Variants in RIC8B observed in about 807,000 individuals in gnomAD.
RIC8B encodes chaperone Ric-8B.
Under a neutral mutation model 57.5 loss-of-function variants are expected in RIC8B, and 16 were observed. That is an observed-to-expected ratio of 0.28 (90% CI 0.19 to 0.42). The LOEUF (loss-of-function observed/expected upper bound fraction) is 0.42. Ranked by LOEUF, RIC8B falls within the 10% of genes least tolerant of loss-of-function variation. The pLI is 1.00. For synonymous variants in RIC8B, 216 were observed against 250.8 expected (o/e 0.86, Z 1.31); for missense variants, 481 against 677.0 (o/e 0.71, Z 3.21).
At chr12:106,834,969 G>A (rs991342356) in intron 4 of RIC8B, among the ~76,000 whole-genome samples, 1 of 129,722 alleles carries the variant, frequency 7.7e-6, no homozygotes, top group East Asian at 2.1e-4. Context: ...GGGCGACAGA[G>A]CGAGACTCTG....
chr12:106,814,514 A>T (rs2045483974), intron 2 of RIC8B, among the ~76,000 whole-genome samples, 182 bp from the exon 3 acceptor site: 1 of 152,196 alleles, frequency 6.6e-6, no homozygotes, highest in Admixed American at 6.5e-5. Context: ...ATTCAAACTG[A>T]TTGTCTTCCA....
chr12:106,868,766 G>GAC (rs56293147), intron 8 of RIC8B, among the ~76,000 whole-genome samples: 4,400 of 122,916 alleles, frequency 0.036, 69 homozygotes, highest in Admixed American at 0.041. Flanking sequence ...AGGCACTCTA[G>GAC]ACACACACAC....
At chr12:106,818,559 C>G (rs912524116) in intron 3 of RIC8B, among the ~76,000 whole-genome samples, 1 of 152,132 alleles carries the variant, frequency 6.6e-6, no homozygotes, top group African/African-American at 2.4e-5. Flanking sequence ...CTCCTGGGCT[C>G]AAGCCGTCCT....
chr12:106,818,711 GTAGTTGAGATTA>G (rs1028662633), intron 3 of RIC8B, among the ~76,000 whole-genome samples: 2 of 152,132 alleles, frequency 1.3e-5, no homozygotes, highest in African/African-American at 4.8e-5. Context: ...AGCCTCCCAA[GTAGTTGAGATTA>G]CAGATGTAAG....
chr12:106,779,233 ATTT>A (rs58546342), intron 1 of RIC8B, among the ~76,000 whole-genome samples: 3 of 132,906 alleles, frequency 2.3e-5, no homozygotes, highest in African/African-American at 2.8e-5. Context: ...TCCTATATAC[ATTT>A]TTTTTTTTTT....
chr12:106,815,044 A>G lies in RIC8B; in HGVS notation c.481A>G (p.Lys161Glu). 3.7e-6 allele frequency: 6 copies of G among 1,614,226 alleles called. No individual in the cohort carries two copies. Among genetic ancestry groups the G allele is most frequent in the Non-Finnish European group, 5.1e-6 (6 of 1,180,038 alleles). Residue 161 changes from lysine (K) to glutamate (E), a missense_variant, in exon 3 of 10, where the codon AAG becomes GAG. Around this residue, in one of 3 missense-constraint regions of RIC8B, gnomAD observed 421 missense variants for 560.9 expected, o/e 0.75. Coordinates refer to ENST00000392837, the MANE Select transcript of RIC8B (RefSeq NM_001330145.2). ...GGACCGGAAATTTATCAATGACATT[A>G]AGTGCTTTGACTTGCGCTTGCTCTT... is the stretch of plus-strand genomic sequence containing the variant. The part of the protein sequence containing the change: ...CKDRKFINDI[K>E]CFDLRLLFLL...
intron 1 of RIC8B, among the ~76,000 whole-genome samples, chr12:106,779,045 C>T (rs2043622785): frequency 6.6e-6 from 1 of 152,062 alleles, no homozygotes; most frequent in Non-Finnish European, 1.5e-5. Context: ...TCCTGAGAAG[C>T]TGGGATTACA....
chr12:106,795,982 A>G (rs1358909116), intron 2 of RIC8B, among the ~76,000 whole-genome samples: 2 of 152,206 alleles, frequency 1.3e-5, no homozygotes, highest in African/African-American at 4.8e-5. Flanking sequence ...ACTGTAAAAC[A>G]TTGTTAAAGG....
rs371121327 is a variant in RIC8B at position 106,784,006 on chromosome 12, A to G, written c.94A>G (p.Thr32Ala). Residue 32 changes from threonine to alanine, a missense_variant, in exon 2 of 10, where the codon ACT becomes GCT. By Grantham distance (58) the Thr-to-Ala change is moderately conservative. Coordinates refer to ENST00000392837, the MANE Select transcript of RIC8B (RefSeq NM_001330145.2). ...LRDYSDKHRA[T>A]FKFESTDEDK... ...CTTTTTTCCCCCTCAGCATAGGGCT[A>G]CTTTCAAATTTGAATCAACAGATGA... 4 of 1,613,802 alleles carry G rather than the reference A, an allele frequency of 2.5e-6. No homozygotes were observed. Among genetic ancestry groups the G allele is most frequent in the Non-Finnish European group, 3.4e-6 (4 of 1,179,776 alleles).
intron 2 of RIC8B, among the ~76,000 whole-genome samples, chr12:106,785,713 C>T (rs2043971848): frequency 1.3e-5 from 2 of 151,994 alleles, no homozygotes; most frequent in Admixed American, 1.3e-4. Context: ...TTCAAAATAG[C>T]CCTGCTCAGG....
At chr12:106,814,203 T>A (rs2045466967) in intron 2 of RIC8B, among the ~76,000 whole-genome samples, 1 of 152,178 alleles carries the variant, frequency 6.6e-6, no homozygotes, top group Non-Finnish European at 1.5e-5. Context: ...GCATAATAGA[T>A]GCTAATTCAA....
chr12:106,791,552 A>T (rs1321552448), intron 2 of RIC8B, among the ~76,000 whole-genome samples: 1 of 152,206 alleles, frequency 6.6e-6, no homozygotes, highest in African/African-American at 2.4e-5. Context: ...GGAGTGAAAT[A>T]TATATAAACA....
chr12:106,789,051 C>G (rs2044155657), intron 2 of RIC8B, among the ~76,000 whole-genome samples: 1 of 152,182 alleles, frequency 6.6e-6, no homozygotes. Context: ...TGTGTTGCTG[C>G]TTAGAAATTT....
intron 9 of RIC8B, among the ~76,000 whole-genome samples, chr12:106,877,104 A>T (rs977199504): frequency 4.6e-5 from 7 of 152,140 alleles, no homozygotes; most frequent in African/African-American, 9.7e-5. Flanking sequence ...GAAGCTTTGC[A>T]TGTGATCTAA....
chr12:106,866,308 A>G (rs1950139703), intron 8 of RIC8B, among the ~76,000 whole-genome samples: 1 of 152,152 alleles, frequency 6.6e-6, no homozygotes, highest in African/African-American at 2.4e-5. Flanking sequence ...CAGCATTAGG[A>G]TACCAAGAAA....
chr12:106,870,094 G>C (rs865926946), intron 8 of RIC8B, among the ~76,000 whole-genome samples: 3 of 148,824 alleles, frequency 2.0e-5, no homozygotes, highest in African/African-American at 7.5e-5. Flanking sequence ...AAAAAAAAAA[G>C]TATGGCTTTT....
intron 2 of RIC8B, among the ~76,000 whole-genome samples, chr12:106,789,727 G>T (rs928099211): frequency 6.6e-6 from 1 of 152,086 alleles, no homozygotes; most frequent in East Asian, 1.9e-4. Flanking sequence ...GATGAGATTT[G>T]GGTGGGGACA....
chr12:106,822,105 G>A (rs201354206), intron 3 of RIC8B, among the ~76,000 whole-genome samples: 3,629 of 110,490 alleles, frequency 0.033, 35 homozygotes, highest in Middle Eastern at 0.072. Context: ...AAAAAAAGAA[G>A]AAAAAAAAAG....
intron 2 of RIC8B, among the ~76,000 whole-genome samples, chr12:106,807,211 T>A (rs1379550669): frequency 6.6e-6 from 1 of 152,222 alleles, no homozygotes; most frequent in Non-Finnish European, 1.5e-5. Context: ...GTATGGTACA[T>A]CAATGGGATA....
Sources: gnomAD v4.1 joint callset for allele counts (sites outside exome capture counted in the v4.1 genomes callset) on GRCh38, gnomAD v4.1.1 for gene constraint, gnomAD v4.1.1 regional missense constraint, MANE v1.5 for transcripts, NCBI Gene and HGNC (gene_info 2026-07-23, HGNC 2026-07-21) for gene names.